The following NAV2 variants were observed in gnomAD, a reference collection of about 807,000 sequenced individuals.
NAV2 encodes the protein neuron navigator 2, also known as helicase, APC down-regulated 1.
NAV2 carries 54 observed loss-of-function variants against 223.2 expected under a neutral mutation model. The ratio of observed to expected loss-of-function variants is 0.24; its 90% CI spans 0.19 to 0.30. The LOEUF (loss-of-function observed/expected upper bound fraction) is 0.30. NAV2 is among the 10% of genes least tolerant of loss of function. The pLI, the probability that NAV2 is intolerant of heterozygous loss-of-function variation, is 1.00. For synonymous variants in NAV2, 1,279 were observed against 1,239.3 expected (o/e 1.03, Z -0.67); for missense variants, 2,806 against 3,147.5 (o/e 0.89, Z 2.60).
intron 3 of NAV2, among the ~76,000 whole-genome samples, chr11:19,857,351 G>A (rs1399755457): frequency 6.6e-6 from 1 of 152,208 alleles, no homozygotes; most frequent in African/African-American, 2.4e-5. Flanking sequence ...TTGAGTAGGT[G>A]CCTTGATAAG....
At chr11:19,683,105 G>A (rs531898279) in intron 1 of NAV2, among the ~76,000 whole-genome samples, 2 of 152,188 alleles carry the variant, frequency 1.3e-5, no homozygotes, top group Admixed American at 1.3e-4. Context: ...ATAAAATGGG[G>A]GTATTTGTAT....
intron 1 of NAV2, among the ~76,000 whole-genome samples, chr11:19,442,218 T>C (rs1419311432): frequency 6.6e-6 from 1 of 152,210 alleles, no homozygotes; most frequent in African/African-American, 2.4e-5. Context: ...CTCCCCATCA[T>C]CCCAGAGGCC....
At position 19,933,377 on chromosome 11, in the gene NAV2, C is replaced by T. The variant is rs769065678; in HGVS notation, c.1133C>T (p.Pro378Leu). 1.9e-6 allele frequency: 3 copies of T among 1,587,288 alleles called. No individual in the cohort carries two copies. The highest frequency in any genetic ancestry group is 2.6e-6 in the Non-Finnish European group (3 of 1,165,556). Residue 378 changes from proline to leucine, a missense_variant, in exon 7 of 38, where the codon CCT becomes CTT. Physicochemically the swap from Pro to Leu is moderately conservative, Grantham distance 98. Coordinates refer to ENST00000349880, the MANE Select transcript of NAV2 (RefSeq NM_145117.5). This position sits in a 1 kb window ranked among gnomAD's most constrained non-coding sequence, Gnocchi z 4.3. Reference protein sequence around the residue: ...SATVSMLSVKPPGPEAPRPTP... With the variant: ...SATVSMLSVKLPGPEAPRPTP... Reference sequence around the variant, plus strand: ...ACGGTATCCATGCTCTCGGTCAAGCCTCCTGGGCCTGAGGCCCCCAGGCCC... The same window carrying T: ...ACGGTATCCATGCTCTCGGTCAAGCTTCCTGGGCCTGAGGCCCCCAGGCCC...
rs143301984 is a variant in NAV2, at chr11:19,414,715, T to A, written c.75+63688T>A. Among the ~76,000 whole-genome samples the A allele has an allele frequency of 8.3e-4, 127 of 152,118 alleles. No individual in the cohort carries two copies. In the East Asian group the frequency reaches 0.024, roughly 28 times the overall value. Reference sequence around the variant, plus strand: ...TGAAAGTAAAACACTCCTCAGCAAATGCAAAAGAATGGAAATCATAAAAGA... The same window carrying A: ...TGAAAGTAAAACACTCCTCAGCAAAAGCAAAAGAATGGAAATCATAAAAGA... On this transcript the variant is annotated intron_variant, in intron 1 of 37. Coordinates refer to the NAV2 transcript ENST00000360655.
chr11:19,435,711 T>C (rs1851190947), intron 1 of NAV2, among the ~76,000 whole-genome samples: 1 of 152,202 alleles, frequency 6.6e-6, no homozygotes, highest in South Asian at 2.1e-4. Context: ...AGCGTTCTCT[T>C]TCTTCCATAG....
chr11:20,045,784 T>C, intron 14 of NAV2, 114 bp downstream of exon 14: 1 of 893,832 alleles, frequency 1.1e-6, no homozygotes, highest in Non-Finnish European at 1.7e-6. Flanking sequence ...AGTCCTCCAG[T>C]AAAGCTGTTT....
rs201042317 is a variant in NAV2 at position 20,118,278 on chromosome 11, G to A, written c.*20G>A. The A allele has an allele frequency of 9.3e-6, 15 of 1,612,522 alleles. No homozygotes were observed. The East Asian group carries it at 2.0e-4, about 22-fold the overall frequency. On this transcript the variant is annotated 3_prime_UTR_variant, in exon 38 of 38. Transcript: ENST00000349880. ...CTGTGACAGGGGCCCGGAGCCCAGC[G>A]CCCTCCTCTTCTCCTCACCGCATTC...
intron 1 of NAV2, among the ~76,000 whole-genome samples, chr11:19,414,897 T>C (rs1590160791): frequency 6.6e-6 from 1 of 152,126 alleles, no homozygotes; most frequent in Admixed American, 6.5e-5. Context: ...TTGAAACCAG[T>C]GAGAACAAAG....
At chr11:19,857,632 T>C (rs1232691677) in intron 3 of NAV2, among the ~76,000 whole-genome samples, 1 of 152,190 alleles carries the variant, frequency 6.6e-6, no homozygotes, top group Non-Finnish European at 1.5e-5. Context: ...TCTACCTCTG[T>C]TGTCTGTCTT....
At chr11:19,956,842 C>G (rs1380018643) in intron 10 of NAV2, among the ~76,000 whole-genome samples, 2 of 152,278 alleles carry the variant, frequency 1.3e-5, no homozygotes, top group Non-Finnish European at 2.9e-5. Flanking sequence ...TCCTTACTGT[C>G]TTGGAGGTCA....
At chr11:19,624,889 C>T (rs2047118222) in intron 1 of NAV2, among the ~76,000 whole-genome samples, 1 of 152,188 alleles carries the variant, frequency 6.6e-6, no homozygotes, top group Non-Finnish European at 1.5e-5. Flanking sequence ...ATTCGGCCAT[C>T]TTGGAACCAG....
intron 11 of NAV2, among the ~76,000 whole-genome samples, chr11:19,993,991 G>A (rs2051606328): frequency 6.6e-6 from 1 of 152,186 alleles, no homozygotes. Flanking sequence ...GTAAGCCATT[G>A]TAACGTGATG....
intron 8 of NAV2, among the ~76,000 whole-genome samples, chr11:19,940,892 T>C (rs868289088): frequency 2.8e-4 from 42 of 152,346 alleles, no homozygotes; most frequent in African/African-American, 8.9e-4. Flanking sequence ...TGTATCTTTC[T>C]TTCATATGAG....
chr11:19,676,553 G>T (rs1475377624), intron 1 of NAV2, among the ~76,000 whole-genome samples: 1 of 152,190 alleles, frequency 6.6e-6, no homozygotes, highest in Non-Finnish European at 1.5e-5. Context: ...CCAGTTTCCT[G>T]TAGCTTGGTT....
At chr11:19,709,544 CT>C (rs1450712123), upstream of NAV2, among the ~76,000 whole-genome samples, 12 of 26,576 alleles carry the variant, frequency 4.5e-4, no homozygotes, top group Admixed American at 1.4e-3. Context: ...GAGACTCCGT[CT>C]CAAAAAAAAA....
chr11:19,371,936 T>A (rs1014089139), intron 1 of NAV2, among the ~76,000 whole-genome samples: 1 of 151,820 alleles, frequency 6.6e-6, no homozygotes, highest in Admixed American at 6.6e-5. Context: ...CAGAACCACA[T>A]CTGGCTAATT....
At chr11:20,083,546 A>G (rs933405102) in intron 26 of NAV2, among the ~76,000 whole-genome samples, 33 of 152,210 alleles carry the variant, frequency 2.2e-4, no homozygotes, top group African/African-American at 7.7e-4. Context: ...CTGCAGCAGT[A>G]AGAAAGGCTG....
At chr11:19,453,685 C>T (rs1025993085) in intron 1 of NAV2, among the ~76,000 whole-genome samples, 32 of 152,218 alleles carry the variant, frequency 2.1e-4, no homozygotes, top group African/African-American at 7.2e-4. Flanking sequence ...GGCCATGTCT[C>T]TCTGCACAAT....
At chr11:20,094,046 G>A (rs1460378841) in intron 29 of NAV2, among the ~76,000 whole-genome samples, 6 of 152,064 alleles carry the variant, frequency 3.9e-5, no homozygotes, top group African/African-American at 1.4e-4. Context: ...CCTTTCTTAG[G>A]GGATTCAGCT....
Sources: allele counts gnomAD v4.1 joint callset (sites outside exome capture counted in the v4.1 genomes callset), GRCh38; gene constraint gnomAD v4.1.1; non-coding constraint Gnocchi (gnomAD v3.1); transcripts MANE v1.5; gene names NCBI Gene and HGNC (gene_info 2026-07-23, HGNC 2026-07-21).